The following KLF3 variants were observed in gnomAD, a reference collection of about 807,000 sequenced individuals.
The protein encoded by KLF3 is KLF transcription factor 3, also known as Krueppel-like factor 3.
KLF3 carries 6 observed loss-of-function variants against 32.7 expected under a neutral mutation model. The observed-to-expected ratio is 0.18, with a 90% CI of 0.10 to 0.36. KLF3 has a LOEUF of 0.36. Ranked by LOEUF, KLF3 falls within the 10% of genes least tolerant of loss-of-function variation. The pLI is 1.00. For missense variants in KLF3, 338 were observed against 449.7 expected (o/e 0.75, Z 2.25); for synonymous variants, 145 against 172.8 (o/e 0.84, Z 1.26).
intron 1 of KLF3, among the ~76,000 whole-genome samples, chr4:38,666,183 G>C (rs568473368): frequency 6.6e-6 from 1 of 152,166 alleles, no homozygotes; most frequent in Non-Finnish European, 1.5e-5. Flanking sequence ...CATTTAGCTT[G>C]CATGAAAGGG....
Position 38,697,258 on chromosome 4 carries a change from G to C in KLF3, c.1033G>C (p.Val345Leu). ...LALHRKRHML[V>L] is the part of the protein sequence containing the mutation. ...CCTCCATAGGAAACGCCACATGCTA[G>C]TCTGATTGCCTCTGTGTCCTGCCTC... The change falls in exon 6 of 6, where the codon GTC becomes CTC. Residue 345 changes from valine (V) to leucine (L), a missense_variant. Val to Leu is a conservative substitution (Grantham distance 32, BLOSUM62 1). Coordinates refer to ENST00000261438, the MANE Select transcript of KLF3 (RefSeq NM_016531.6). 6.2e-7 allele frequency: 1 copy of C among 1,607,548 alleles called. No individual in the cohort carries two copies. Among genetic ancestry groups the C allele is most frequent in the Non-Finnish European group, 8.5e-7 (1 of 1,176,086 alleles).
In KLF3 at chr4:38,666,571, T is replaced by G. The variant is rs193120017; in HGVS notation, c.-40+2110T>G. On this transcript the variant is annotated intron_variant, in intron 1 of 5. Coordinates refer to ENST00000261438, the MANE Select transcript of KLF3 (RefSeq NM_016531.6). ...GGAAAATAGACATTTTAGAATGACT[T>G]CTAGAAATTAGTACTCTGGTGTACA... Among the ~76,000 whole-genome samples the G allele has an allele frequency of 5.9e-5, 9 of 152,376 alleles. No individual in the cohort carries two copies. In the East Asian group the frequency reaches 1.7e-3, roughly 29 times the overall value.
At chr4:38,667,293 G>A (rs1722073100) in intron 1 of KLF3, among the ~76,000 whole-genome samples, 1 of 152,136 alleles carries the variant, frequency 6.6e-6, no homozygotes, top group Non-Finnish European at 1.5e-5. Context: ...TGGGGTTTGC[G>A]TCATACATTC....
chr4:38,678,412 C>T (rs1018448007), intron 1 of KLF3, among the ~76,000 whole-genome samples: 2 of 152,136 alleles, frequency 1.3e-5, no homozygotes, highest in Non-Finnish European at 2.9e-5. Context: ...CTGGCTGTTG[C>T]GGTTAGTTCT....
At chr4:38,680,542 A>T in intron 1 of KLF3, 45 bp from the exon 2 acceptor site, 1 of 975,730 alleles carries the variant, frequency 1.0e-6, no homozygotes, top group Non-Finnish European at 1.6e-6. Flanking sequence ...GTTTGTATTT[A>T]AAGTAACCTT....
At chr4:38,678,291 A>G (rs779976008) in intron 1 of KLF3, among the ~76,000 whole-genome samples, 3 of 152,184 alleles carry the variant, frequency 2.0e-5, no homozygotes, top group Non-Finnish European at 2.9e-5. Flanking sequence ...CTGGACAACA[A>G]TTCTTAGAAC....
chr4:38,668,128 C>T lies in KLF3; in HGVS notation c.-40+3667C>T, dbSNP rs369397229. ...TTCTATTTTGAAAACAAGAAGAATG[C>T]TCTTCTCATTTTTGTTTTACAATAA... On this transcript the variant is annotated intron_variant, in intron 1 of 5. Transcript: ENST00000261438. Among the ~76,000 whole-genome samples the T allele has an allele frequency of 2.6e-5, 4 of 152,114 alleles. No homozygotes were observed. The East Asian group carries it at 7.7e-4, about 29-fold the overall frequency.
intron 4 of KLF3, 99 bp downstream of exon 4, chr4:38,689,978 G>T: frequency 8.0e-7 from 1 of 1,244,832 alleles, no homozygotes. Flanking sequence ...TGGTGTGGAT[G>T]ACCAGGAACG....
chr4:38,664,803 C>T (rs952863975), intron 1 of KLF3: 1 of 151,980 alleles, frequency 6.6e-6, no homozygotes. Flanking sequence ...CCTGTGTGGT[C>T]CCCGGCCTCC....
At chr4:38,667,821 G>C (rs777489231) in intron 1 of KLF3, among the ~76,000 whole-genome samples, 2 of 152,188 alleles carry the variant, frequency 1.3e-5, no homozygotes, top group Admixed American at 6.5e-5. Flanking sequence ...GAGAATTTAA[G>C]CAATGTTGGC....
chr4:38,696,110 C>T (rs988471218), intron 5 of KLF3, among the ~76,000 whole-genome samples: 1 of 142,548 alleles, frequency 7.0e-6, no homozygotes, highest in Non-Finnish European at 1.5e-5. Flanking sequence ...TTAGTGGGAC[C>T]GAAGAGGTGG....
chr4:38,666,107 CTATT>C (rs1722029448), intron 1 of KLF3, among the ~76,000 whole-genome samples: 1 of 152,106 alleles, frequency 6.6e-6, no homozygotes. Flanking sequence ...TGCTGCAGAA[CTATT>C]TATTAGAAGA....
intron 2 of KLF3, among the ~76,000 whole-genome samples, chr4:38,686,018 G>A (rs980556939): frequency 5.3e-5 from 8 of 152,056 alleles, no homozygotes; most frequent in African/African-American, 1.9e-4. Flanking sequence ...TTGGTACTGT[G>A]CGTGCCTGGC....
intron 2 of KLF3, among the ~76,000 whole-genome samples, chr4:38,687,016 CA>C (rs35615661): frequency 0.31 from 46,914 of 152,120 alleles, 8,510 homozygotes; most frequent in Non-Finnish European, 0.41. Flanking sequence ...TGCTGCCCCA[CA>C]GTCATAACTC....
intron 2 of KLF3, among the ~76,000 whole-genome samples, chr4:38,687,984 C>T (rs1257666940): frequency 6.6e-6 from 1 of 152,182 alleles, no homozygotes; most frequent in Non-Finnish European, 1.5e-5. Flanking sequence ...GATTGTACAG[C>T]TGCTGAAGCC....
Position 38,688,912 on chromosome 4 carries a change from G to T in KLF3, c.385G>T (p.Ala129Ser), listed in dbSNP as rs1432238621. 1 of 1,614,104 alleles carries T rather than the reference G, an allele frequency of 6.2e-7. No homozygotes were observed. Among genetic ancestry groups the T allele is most frequent in the African/African-American group, 1.3e-5 (1 of 74,946 alleles). ...GCTGTCCATGCCACCAGTGATGGCA[G>T]CTGCCCTCTCGCGGCATGGAATACG... ...VPLSMPPVMAAALSRHGIRSP... is the reference protein window; with the variant it reads ...VPLSMPPVMASALSRHGIRSP... Residue 129 changes from alanine (A) to serine (S), a missense_variant, in exon 3 of 6, where the codon GCT becomes TCT. This residue lies in a region of KLF3 where 272 missense variants were observed against 313.4 expected (regional missense o/e 0.87). Coordinates refer to ENST00000261438, the MANE Select transcript of KLF3 (RefSeq NM_016531.6). The surrounding 1 kb of genome is among the most constrained non-coding windows in gnomAD (Gnocchi z 4.9).
rs192316519 is a variant in KLF3, at chr4:38,699,349, T to C, written c.*2086T>C. 17 of 152,330 alleles carry C rather than the reference T, an allele frequency of 1.1e-4. No individual in the cohort carries two copies. The highest frequency in any genetic ancestry group is 9.8e-4 in the Admixed American group (15 of 15,300). 9.4% of individuals were successfully genotyped at this position (152,330 alleles called of 1,614,324 possible). A position where few individuals can be genotyped will look rare whatever the true frequency, so the allele number is the denominator to read the frequency against. On this transcript the variant is annotated 3_prime_UTR_variant, in exon 6 of 6. Transcript: ENST00000261438. ...AAAATGGCTCTTTGAAAAGTAGATA[T>C]TGTCTGTATTGTAAATGCTTAGTCA...
intron 2 of KLF3, among the ~76,000 whole-genome samples, chr4:38,682,489 GA>G (rs1488902234): frequency 6.6e-6 from 1 of 152,166 alleles, no homozygotes; most frequent in African/African-American, 2.4e-5. Flanking sequence ...TTATATTCTT[GA>G]AATAGGAATA....
intron 2 of KLF3, among the ~76,000 whole-genome samples, chr4:38,685,582 AAAATCCAGC>A (rs1722669332): frequency 6.6e-6 from 1 of 152,178 alleles, no homozygotes; most frequent in Non-Finnish European, 1.5e-5. Context: ...CATGCATAGA[AAAATCCAGC>A]AATGACAGCA....
Sources: gnomAD v4.1 joint callset for allele counts (sites outside exome capture counted in the v4.1 genomes callset) on GRCh38, gnomAD v4.1.1 for gene constraint, gnomAD v4.1.1 regional missense constraint, Gnocchi (gnomAD v3.1) non-coding constraint, MANE v1.5 for transcripts, NCBI Gene and HGNC (gene_info 2026-07-23, HGNC 2026-07-21) for gene names.